Variants in SLIT2 observed in about 807,000 individuals in gnomAD.
SLIT2 encodes slit guidance ligand 2, also known as slit homolog 2 protein.
In SLIT2, 41 loss-of-function variants were observed where a neutral mutation model predicts 185.7. The ratio of observed to expected loss-of-function variants is 0.22; its 90% CI spans 0.17 to 0.29. The LOEUF (loss-of-function observed/expected upper bound fraction) is 0.29. Ranked by LOEUF, SLIT2 falls within the 10% of genes least tolerant of loss-of-function variation. The pLI, the probability that SLIT2 is intolerant of heterozygous loss-of-function variation, is 1.00. For synonymous variants in SLIT2, 693 were observed against 680.2 expected, an observed-to-expected ratio of 1.02 and a Z score of -0.29; for missense variants, 1,571 against 1,909.0, an observed-to-expected ratio of 0.82 and a Z score of 3.30.
chr4:20,436,419 T>A, intron 4 of SLIT2, among the ~76,000 whole-genome samples: 1 of 152,210 alleles, frequency 6.6e-6, no homozygotes, highest in Admixed American at 6.5e-5. Flanking sequence ...CCAGGCCATG[T>A]GTTTTCCGGA....
intron 4 of SLIT2, among the ~76,000 whole-genome samples, chr4:20,317,633 A>G (rs985639983): frequency 6.6e-6 from 1 of 152,060 alleles, no homozygotes; most frequent in Admixed American, 6.6e-5. Context: ...TAAGTTTGTT[A>G]TGAGGAATAA....
chr4:20,425,563 CAT>C (rs1728497979), intron 4 of SLIT2, among the ~76,000 whole-genome samples: 1 of 152,056 alleles, frequency 6.6e-6, no homozygotes, highest in Admixed American at 6.6e-5. Context: ...AAAGAAATGT[CAT>C]ATTGATTAGA....
rs750840714 is a variant in SLIT2, at chr4:20,568,950, A to G, written c.3034A>G (p.Thr1012Ala). The change falls in exon 29 of 37, where the codon ACA (threonine) becomes GCA (alanine). Residue 1012 changes from threonine to alanine, a missense_variant. Physicochemically the swap from Thr to Ala is moderately conservative, Grantham distance 58 (BLOSUM62 0). This residue lies in a region of SLIT2 where 1,202 missense variants were observed against 1,416.4 expected (regional missense o/e 0.85). Transcript: ENST00000504154. Reference protein sequence around the residue: ...CEDNDCENNSTCVDGINNYTC... With the variant: ...CEDNDCENNSACVDGINNYTC... ...AGATAATGACTGTGAAAATAATTCT[A>G]CATGTGTCGATGGCATTAATAACTA... 2.5e-6 allele frequency: 4 copies of G among 1,612,268 alleles called. No individual in the cohort carries two copies. The highest frequency in any genetic ancestry group is 3.3e-5 in the Admixed American group (2 of 59,972).
At chr4:20,422,832 A>G (rs1051626273) in intron 4 of SLIT2, among the ~76,000 whole-genome samples, 2 of 151,966 alleles carry the variant, frequency 1.3e-5, no homozygotes, top group African/African-American at 4.8e-5. Context: ...GAGAATGGAA[A>G]TAGAGGTCGG....
intron 29 of SLIT2, among the ~76,000 whole-genome samples, chr4:20,570,731 G>GTATATATATGTATATATATATATA (rs1725512407): frequency 8.0e-6 from 1 of 125,570 alleles, no homozygotes; most frequent in African/African-American, 3.0e-5. Flanking sequence ...ATATATATAT[G>GTATATATATGTATATATATATATA]TATATATATA....
chr4:20,469,969 G>A (rs917596201), intron 5 of SLIT2, among the ~76,000 whole-genome samples: 1 of 151,762 alleles, frequency 6.6e-6, no homozygotes, highest in Non-Finnish European at 1.5e-5. Flanking sequence ...TGGTCAGGCT[G>A]GTCTCGAACT....
intron 4 of SLIT2, chr4:20,392,191 C>T (rs1725478507): frequency 6.6e-6 from 1 of 152,000 alleles, no homozygotes; most frequent in Non-Finnish European, 1.5e-5. Flanking sequence ...TATGGAATAG[C>T]CTATTGCTCC....
At position 20,617,565 on chromosome 4, in the gene SLIT2, C is replaced by T. The variant is rs1729769716; in HGVS notation, c.4263C>T (p.Cys1421=). ...DLFNPCQAIK[C]KHGKCRLSGL... is the part of the protein sequence containing the mutation. ...TTAACCCATGCCAGGCGATCAAGTG[C>T]AAGCATGGGAAGTGCAGGCTTTCAG... The change falls in exon 36 of 37, where the codon TGC becomes TGT. Residue 1421 remains cysteine (C), a synonymous_variant. Coordinates refer to ENST00000504154, the MANE Select transcript of SLIT2 (RefSeq NM_004787.4). The T allele has an allele frequency of 6.2e-7, 1 of 1,613,740 alleles. No individual in the cohort carries two copies. Among genetic ancestry groups the T allele is most frequent in the Non-Finnish European group, 8.5e-7 (1 of 1,179,948 alleles).
intron 26 of SLIT2, among the ~76,000 whole-genome samples, chr4:20,561,056 C>T (rs767033668): frequency 6.6e-6 from 1 of 151,758 alleles, no homozygotes; most frequent in Admixed American, 6.6e-5. Context: ...GTAACTGATA[C>T]TGTCAGGTCC....
intron 8 of SLIT2, among the ~76,000 whole-genome samples, chr4:20,491,299 A>T (rs1262717698): frequency 6.6e-6 from 1 of 152,220 alleles, no homozygotes; most frequent in East Asian, 1.9e-4. Context: ...AATTTGAGCA[A>T]CAATTATCTT....
At chr4:20,477,534 C>T (rs562055185) in intron 5 of SLIT2, among the ~76,000 whole-genome samples, 4 of 152,190 alleles carry the variant, frequency 2.6e-5, no homozygotes, top group East Asian at 3.9e-4. Context: ...CCATCATTTC[C>T]GTGAGATTAA....
Position 20,617,527 on chromosome 4 carries a change from G to C in SLIT2, c.4225G>C (p.Glu1409Gln). ...EGHGGVLCDE[E>Q]EDLFNPCQAI... ...CCATGGAGGTGTCCTCTGTGATGAA[G>C]AGGAGGATCTGTTTAACCCATGCCA... Residue 1409 changes from glutamate (E) to glutamine (Q), a missense_variant, in exon 36 of 37, where the codon GAG (glutamate) becomes CAG (glutamine). Glu to Gln is a conservative substitution (Grantham distance 29). Around this residue, in one of 3 missense-constraint regions of SLIT2, gnomAD observed 223 missense variants for 245.2 expected, o/e 0.91. Transcript: ENST00000504154. 1.9e-6 allele frequency: 3 copies of C among 1,614,014 alleles called. No individual in the cohort carries two copies. Among genetic ancestry groups the C allele is most frequent in the Non-Finnish European group, 2.5e-6 (3 of 1,179,988 alleles).
chr4:20,321,166 A>C (rs9993087), intron 4 of SLIT2, among the ~76,000 whole-genome samples: 26,256 of 152,012 alleles, frequency 0.17, 2,368 homozygotes, highest in South Asian at 0.35. Flanking sequence ...ACTAAAGCTA[A>C]ATTTACCAGC....
chr4:20,492,657 A>T (rs1560472608), intron 9 of SLIT2, among the ~76,000 whole-genome samples: 1 of 152,182 alleles, frequency 6.6e-6, no homozygotes, highest in East Asian at 1.9e-4. Flanking sequence ...CCAGCCCATT[A>T]TATTATTATG....
Position 20,437,845 on chromosome 4 carries a change from G to A in SLIT2, c.396-29907G>A, listed in dbSNP as rs185582323. Among the ~76,000 whole-genome samples the A allele has an allele frequency of 4.7e-3, 682 of 146,380 alleles. 2 individuals carry two copies. Among genetic ancestry groups the A allele is most frequent in the Middle Eastern group, 0.011 (3 of 268 alleles). On this transcript the variant is annotated intron_variant, in intron 4 of 36. Transcript: ENST00000504154. ...CAGGAGAATGGCGTGAACCCAAGAG[G>A]CAGAGCTTGCAGTGAGCTGAGATCA...
At chr4:20,267,037 T>A (rs1713100519) in intron 3 of SLIT2, among the ~76,000 whole-genome samples, 1 of 151,950 alleles carries the variant, frequency 6.6e-6, no homozygotes, top group South Asian at 2.1e-4. Context: ...GAAATTGGAA[T>A]TGGCTCTTTG....
At chr4:20,401,671 A>G (rs1726373824) in intron 4 of SLIT2, among the ~76,000 whole-genome samples, 1 of 151,832 alleles carries the variant, frequency 6.6e-6, no homozygotes, top group Non-Finnish European at 1.5e-5. Context: ...AACTTGACAT[A>G]ATGAAGAGAT....
At chr4:20,316,100 A>G (rs148952686) in intron 4 of SLIT2, among the ~76,000 whole-genome samples, 1 of 152,156 alleles carries the variant, frequency 6.6e-6, no homozygotes, top group African/African-American at 2.4e-5. Context: ...AAAGAACTTT[A>G]TGCATTCATT....
intron 5 of SLIT2, among the ~76,000 whole-genome samples, chr4:20,473,986 G>C (rs921267796): frequency 5.9e-5 from 9 of 151,766 alleles, no homozygotes; most frequent in Admixed American, 4.6e-4. Context: ...GTACATGTCC[G>C]TGCCCCTAGC....
Sources: gnomAD v4.1 joint callset for allele counts (sites outside exome capture counted in the v4.1 genomes callset) on GRCh38, gnomAD v4.1.1 for gene constraint, gnomAD v4.1.1 regional missense constraint, MANE v1.5 for transcripts, NCBI Gene and HGNC (gene_info 2026-07-23, HGNC 2026-07-21) for gene names.